The following KIAA0825 variants were observed in gnomAD, a reference collection of about 807,000 sequenced individuals.
KIAA0825 encodes uncharacterized protein KIAA0825.
In KIAA0825, 119 loss-of-function variants were observed where a neutral mutation model predicts 147.6. The observed-to-expected ratio is 0.81, with a 90% CI of 0.69 to 0.94. The LOEUF (loss-of-function observed/expected upper bound fraction) is 0.94. KIAA0825 is among the 40% of genes least tolerant of loss of function. The pLI is 0.00. For synonymous variants in KIAA0825, 470 were observed against 518.1 expected (o/e 0.91, Z 1.26); for missense variants, 1,381 against 1,472.7 (o/e 0.94, Z 1.02).
At chr5:94,437,165 TATC>T (rs1287075333) in intron 14 of KIAA0825, among the ~76,000 whole-genome samples, 3 of 152,278 alleles carry the variant, frequency 2.0e-5, no homozygotes, top group Non-Finnish European at 4.4e-5. Context: ...TACTCTGAAA[TATC>T]ATGAGACTTT....
Position 94,477,163 on chromosome 5 carries a change from G to C in KIAA0825, c.1175C>G (p.Pro392Arg). 1.3e-6 allele frequency: 2 copies of C among 1,550,142 alleles called. No homozygotes were observed. Among genetic ancestry groups the C allele is most frequent in the Non-Finnish European group, 1.7e-6 (2 of 1,146,584 alleles). Residue 392 changes from proline (P) to arginine (R), a missense_variant, in exon 7 of 21, where the codon CCT (proline) becomes CGT (arginine). Pro to Arg is a moderately radical substitution (Grantham distance 103, BLOSUM62 -2). Coordinates refer to ENST00000682413, the MANE Select transcript of KIAA0825 (RefSeq NM_001145678.3). Reference protein sequence around the residue: ...KSDREVVMEKPRANETNIPSE... With the variant: ...KSDREVVMEKRRANETNIPSE... ...AGGAATATTGGTTTCGTTTGCTCTA[G>C]GTTTTTCCATTACAACCTCTCTATC...
chr5:94,329,734 A>G (rs1450181378), intron 20 of KIAA0825, among the ~76,000 whole-genome samples: 1 of 152,084 alleles, frequency 6.6e-6, no homozygotes, highest in Admixed American at 6.6e-5. Flanking sequence ...GAGTTCCTTA[A>G]TTTTTTCCCT....
chr5:94,536,010 G>C (rs1771933719), intron 3 of KIAA0825, among the ~76,000 whole-genome samples: 1 of 152,168 alleles, frequency 6.6e-6, no homozygotes, highest in African/African-American at 2.4e-5. Flanking sequence ...TTAGTGAACT[G>C]CCTGAAATGC....
At chr5:94,550,142 A>G (rs1158410051) in intron 2 of KIAA0825, among the ~76,000 whole-genome samples, 2 of 152,172 alleles carry the variant, frequency 1.3e-5, no homozygotes, top group Non-Finnish European at 2.9e-5. Flanking sequence ...GAAAAAAACC[A>G]GGCACAGAAA....
At chr5:94,264,760 T>C (rs1776663590) in intron 20 of KIAA0825, among the ~76,000 whole-genome samples, 1 of 152,022 alleles carries the variant, frequency 6.6e-6, no homozygotes, top group South Asian at 2.1e-4. Flanking sequence ...TTATATGACA[T>C]GTTTCATTAC....
chr5:94,376,280 A>G (rs1747557497), intron 20 of KIAA0825, among the ~76,000 whole-genome samples: 1 of 152,180 alleles, frequency 6.6e-6, no homozygotes, highest in Admixed American at 6.5e-5. Context: ...AGTACCAGAT[A>G]CTATAGTAGA....
At chr5:94,178,388 G>C (rs1434077488) in intron 20 of KIAA0825, among the ~76,000 whole-genome samples, 2 of 151,846 alleles carry the variant, frequency 1.3e-5, no homozygotes, top group Non-Finnish European at 2.9e-5. Flanking sequence ...ATTTTAATGA[G>C]AGTTCTGGCT....
chr5:94,613,499 A>G (rs916900571), intron 1 of KIAA0825, among the ~76,000 whole-genome samples: 1 of 152,022 alleles, frequency 6.6e-6, no homozygotes, highest in African/African-American at 2.4e-5. Context: ...GCGCCGGCCA[A>G]TCTTGTCTTC....
intron 5 of KIAA0825, among the ~76,000 whole-genome samples, chr5:94,499,595 G>GT (rs201572239): frequency 2.1e-5 from 3 of 141,898 alleles, no homozygotes; most frequent in Non-Finnish European, 3.1e-5. Flanking sequence ...TGGGGGGGGG[G>GT]GGGGACCAAG....
chr5:94,470,194 T>C (rs79106378), intron 9 of KIAA0825, 83 bp from the exon 10 acceptor site: 1 of 957,970 alleles, frequency 1.0e-6, no homozygotes, highest in Non-Finnish European at 1.4e-6. Context: ...ACAAATGGTT[T>C]TGATTATTAG....
chr5:94,170,117 G>T (rs1467559434), intron 20 of KIAA0825, among the ~76,000 whole-genome samples: 2 of 152,098 alleles, frequency 1.3e-5, no homozygotes, highest in Non-Finnish European at 2.9e-5. Context: ...GGCTAACACG[G>T]TGAAACCCCG....
chr5:94,160,685 A>C (rs1319582589), intron 20 of KIAA0825, among the ~76,000 whole-genome samples: 2 of 149,594 alleles, frequency 1.3e-5, no homozygotes, highest in Non-Finnish European at 3.0e-5. Flanking sequence ...TACTATATAC[A>C]TGTATGTATA....
chr5:94,576,651 A>G (rs1055749566), intron 2 of KIAA0825, among the ~76,000 whole-genome samples: 5 of 152,180 alleles, frequency 3.3e-5, no homozygotes, highest in African/African-American at 1.2e-4. Flanking sequence ...TAAATTGTCC[A>G]GTTTCAGGTA....
At chr5:94,543,021 T>C (rs951024765) in intron 2 of KIAA0825, among the ~76,000 whole-genome samples, 1 of 152,158 alleles carries the variant, frequency 6.6e-6, no homozygotes. Context: ...TTCTGTCCTG[T>C]GGTAAGTAAA....
At chr5:94,199,622 G>T (rs974120994) in intron 20 of KIAA0825, among the ~76,000 whole-genome samples, 3 of 152,200 alleles carry the variant, frequency 2.0e-5, no homozygotes, top group Non-Finnish European at 4.4e-5. Context: ...ATAGTGGGGT[G>T]GCTGTGGGCA....
rs572143658 is a variant in KIAA0825, at chr5:94,597,487, A to G, written c.-152-14904T>C. 5.9e-5 allele frequency among the ~76,000 whole-genome samples: 9 copies of G among 152,294 alleles called. No individual in the cohort carries two copies. The East Asian group carries it at 1.5e-3, about 26-fold the overall frequency. On this transcript the variant is annotated intron_variant, in intron 1 of 20. Coordinates refer to ENST00000682413, the MANE Select transcript of KIAA0825 (RefSeq NM_001145678.3). Reference sequence around the variant, plus strand: ...TACTGAATTAAAGAAAAAACACAATATTACACATTTCATATGATGCATAAA... The same window carrying G: ...TACTGAATTAAAGAAAAAACACAATGTTACACATTTCATATGATGCATAAA...
intron 20 of KIAA0825, among the ~76,000 whole-genome samples, chr5:94,293,681 T>C (rs1305928576): frequency 6.6e-6 from 1 of 152,182 alleles, no homozygotes; most frequent in African/African-American, 2.4e-5. Flanking sequence ...ATTTTCTGTC[T>C]CATTGATCTG....
intron 1 of KIAA0825, among the ~76,000 whole-genome samples, chr5:94,607,983 A>T (rs894765333): frequency 3.9e-4 from 59 of 152,092 alleles, no homozygotes; most frequent in Non-Finnish European, 4.4e-5. Context: ...AACCCTTGTA[A>T]TTACATTGAG....
At chr5:94,397,609 G>A (rs929107223) in intron 16 of KIAA0825, among the ~76,000 whole-genome samples, 1 of 152,110 alleles carries the variant, frequency 6.6e-6, no homozygotes. Flanking sequence ...TCTCAACTTT[G>A]GGTTGGATGA....
Sources: gnomAD v4.1 joint callset for allele counts (sites outside exome capture counted in the v4.1 genomes callset) on GRCh38, gnomAD v4.1.1 for gene constraint, MANE v1.5 for transcripts, NCBI Gene and HGNC (gene_info 2026-07-23, HGNC 2026-07-21) for gene names.